Variants in TNFSF4 observed in about 807,000 individuals in gnomAD.
TNFSF4 encodes TNF superfamily member 4.
TNFSF4 carries 4 observed loss-of-function variants against 7.3 expected under a neutral mutation model. That is an observed-to-expected ratio of 0.55 (90% CI 0.27 to 1.25). The LOEUF (loss-of-function observed/expected upper bound fraction) is 1.25. Among genes scored for constraint, TNFSF4 ranks in the 50% most tolerant of loss-of-function variants. The pLI is 0.12. For missense variants in TNFSF4, 181 were observed against 208.8 expected, an observed-to-expected ratio of 0.87 and a Z score of 0.82; for synonymous variants, 76 against 83.7, an observed-to-expected ratio of 0.91 and a Z score of 0.50.
At chr1:173,177,113 G>T in the TNFSF4 span, among the ~76,000 whole-genome samples, 1 of 152,078 alleles carries the variant, frequency 6.6e-6, no homozygotes, top group Non-Finnish European at 1.5e-5. Context: ...ATGTAGCCCT[G>T]AACCTAAAAT....
At chr1:173,341,899 C>T in the TNFSF4 span, among the ~76,000 whole-genome samples, 2 of 152,132 alleles carry the variant, frequency 1.3e-5, no homozygotes, top group African/African-American at 4.8e-5. Context: ...CTGAAGATGC[C>T]TTTCACCCCT....
At chr1:173,199,802 C>G (rs1258749246) in intron 1 of TNFSF4, among the ~76,000 whole-genome samples, 1 of 151,908 alleles carries the variant, frequency 6.6e-6, no homozygotes, top group East Asian at 1.9e-4. Context: ...TCTGATGGAA[C>G]TAGAAAGGCC....
At chr1:173,396,267 T>C in the TNFSF4 span, among the ~76,000 whole-genome samples, 2 of 152,298 alleles carry the variant, frequency 1.3e-5, no homozygotes, top group African/African-American at 2.4e-5. Flanking sequence ...CCCAGCACTC[T>C]GGGAGGCCGA....
At chr1:173,407,202 G>A in the TNFSF4 span, among the ~76,000 whole-genome samples, 40,959 of 151,446 alleles carry the variant, frequency 0.27, 6,761 homozygotes, top group African/African-American at 0.45. Context: ...GGATGAGGAG[G>A]ATATTAGCAC....
the TNFSF4 span, among the ~76,000 whole-genome samples, chr1:173,303,042 A>T: frequency 6.6e-6 from 1 of 151,880 alleles, no homozygotes; most frequent in Non-Finnish European, 1.5e-5. Context: ...AAGCGGCTGG[A>T]CAGTCAAGAC....
chr1:173,322,422 C>T, the TNFSF4 span, among the ~76,000 whole-genome samples: 25 of 151,906 alleles, frequency 1.6e-4, no homozygotes, highest in African/African-American at 5.3e-4. Flanking sequence ...CCAAGATGGC[C>T]GAATAGGAAC....
chr1:173,316,224 T>C, the TNFSF4 span, among the ~76,000 whole-genome samples: 355 of 151,732 alleles, frequency 2.3e-3, 2 homozygotes, highest in African/African-American at 7.9e-3. Flanking sequence ...TGACCATATA[T>C]GCTTGAGATA....
At chr1:173,336,970 A>G in the TNFSF4 span, among the ~76,000 whole-genome samples, 1 of 152,034 alleles carries the variant, frequency 6.6e-6, no homozygotes, top group Admixed American at 6.6e-5. Context: ...CCACCTATTT[A>G]CCAAGTGACT....
the TNFSF4 span, among the ~76,000 whole-genome samples, chr1:173,241,906 C>A: frequency 1.3e-5 from 2 of 152,160 alleles, no homozygotes; most frequent in African/African-American, 4.8e-5. Context: ...AAGTGGATAG[C>A]CTTTTGCATT....
At chr1:173,346,650 T>C in the TNFSF4 span, among the ~76,000 whole-genome samples, 2 of 151,924 alleles carry the variant, frequency 1.3e-5, no homozygotes, top group Non-Finnish European at 2.9e-5. Flanking sequence ...AAGGAGGGTG[T>C]TAGTTTTCAA....
chr1:173,266,859 T>A, the TNFSF4 span, among the ~76,000 whole-genome samples: 3 of 152,182 alleles, frequency 2.0e-5, no homozygotes, highest in African/African-American at 7.2e-5. Flanking sequence ...TTACTGGAAG[T>A]TCTAACTATA....
At chr1:173,359,810 T>A in the TNFSF4 span, among the ~76,000 whole-genome samples, 1 of 152,372 alleles carries the variant, frequency 6.6e-6, no homozygotes, top group South Asian at 2.1e-4. Flanking sequence ...TGATGTTATT[T>A]GTACTGCACA....
At chr1:173,272,032 T>C in the TNFSF4 span, among the ~76,000 whole-genome samples, 2 of 151,840 alleles carry the variant, frequency 1.3e-5, no homozygotes, top group Non-Finnish European at 2.9e-5. Context: ...AATGTATGAG[T>C]TCATGTCCTT....
the TNFSF4 span, among the ~76,000 whole-genome samples, chr1:173,409,679 T>A: frequency 6.6e-6 from 1 of 152,246 alleles, no homozygotes; most frequent in African/African-American, 2.4e-5. Context: ...TTGCTTTTAG[T>A]GATTTTTTCT....
At chr1:173,224,843 C>G in the TNFSF4 span, among the ~76,000 whole-genome samples, 1 of 152,178 alleles carries the variant, frequency 6.6e-6, no homozygotes, top group Admixed American at 6.5e-5. Context: ...ACTTTCTACC[C>G]AAACCTTAGC....
the TNFSF4 span, among the ~76,000 whole-genome samples, chr1:173,310,255 G>A: frequency 6.6e-6 from 1 of 151,808 alleles, no homozygotes; most frequent in South Asian, 2.1e-4. Flanking sequence ...CTTTGAGACT[G>A]TCTTCTTTTC....
the TNFSF4 span, among the ~76,000 whole-genome samples, chr1:173,375,672 T>C: frequency 6.6e-6 from 1 of 151,832 alleles, no homozygotes; most frequent in Non-Finnish European, 1.5e-5. Context: ...AGCCGGATCC[T>C]AAAAGTAGCC....
At chr1:173,281,200 C>G in the TNFSF4 span, among the ~76,000 whole-genome samples, 1 of 150,648 alleles carries the variant, frequency 6.6e-6, no homozygotes, top group Non-Finnish European at 1.5e-5. Context: ...ACCCATCTGA[C>G]GTGAAACAAA....
At chr1:173,179,332 T>C (rs1337925326), downstream of TNFSF4, among the ~76,000 whole-genome samples, 1 of 152,180 alleles carries the variant, frequency 6.6e-6, no homozygotes, top group Non-Finnish European at 1.5e-5. Flanking sequence ...GGCACTGTAC[T>C]CCAAACTTTA....
Sources: gnomAD v4.1 joint callset for allele counts (sites outside exome capture counted in the v4.1 genomes callset) on GRCh38, gnomAD v4.1.1 for gene constraint, MANE v1.5 for transcripts, NCBI Gene and HGNC (gene_info 2026-07-23, HGNC 2026-07-21) for gene names.